The following PCDHGA1 variants were observed in gnomAD, a reference collection of about 807,000 sequenced individuals.
The protein encoded by PCDHGA1 is protocadherin gamma-A1.
A neutral mutation model predicts 58.0 loss-of-function variants in PCDHGA1; 32 were observed. That is an observed-to-expected ratio of 0.55 (90% CI 0.42 to 0.74). The LOEUF is 0.74. Ranked by LOEUF, PCDHGA1 falls within the 30% of genes least tolerant of loss-of-function variation. The probability of loss-of-function intolerance (pLI) is 0.00; values close to 1 mark genes in which losing one functional copy is unlikely to be tolerated. For synonymous variants in PCDHGA1, 498 were observed against 501.1 expected (o/e 0.99, Z 0.08); for missense variants, 1,205 against 1,182.3 (o/e 1.02, Z -0.28).
At chr5:141,478,870 G>A (rs1463992722) in intron 1 of PCDHGA1, 6 of 1,273,242 alleles carry the variant, frequency 4.7e-6, no homozygotes, top group Non-Finnish European at 5.2e-6. Flanking sequence ...AGCGATCAGA[G>A]TTTAGCTTGG....
At chr5:141,370,525 G>C in intron 1 of PCDHGA1, 1 of 1,613,874 alleles carries the variant, frequency 6.2e-7, no homozygotes, top group Non-Finnish European at 8.5e-7. Flanking sequence ...CTGGACAGGG[G>C]CTCGCTGGTA....
chr5:141,450,491 G>C (rs1264524088), intron 1 of PCDHGA1, among the ~76,000 whole-genome samples: 1 of 151,896 alleles, frequency 6.6e-6, no homozygotes, highest in Non-Finnish European at 1.5e-5. Context: ...TTGTTTGTCT[G>C]TTTGTTTGTT....
At chr5:141,372,522 G>A (rs759250494) in intron 1 of PCDHGA1, 17 of 1,613,986 alleles carry the variant, frequency 1.1e-5, no homozygotes, top group Non-Finnish European at 1.4e-5. Context: ...GGTGATTCTG[G>A]CAATCTCCCT....
intron 1 of PCDHGA1, among the ~76,000 whole-genome samples, chr5:141,368,490 A>C (rs1765682210): frequency 6.6e-6 from 1 of 152,216 alleles, no homozygotes; most frequent in Admixed American, 6.5e-5. Context: ...AAGAGAATCT[A>C]TACAGTAGGT....
intron 1 of PCDHGA1, chr5:141,355,848 T>G: frequency 6.2e-7 from 1 of 1,612,604 alleles, no homozygotes; most frequent in South Asian, 1.1e-5. Context: ...CGGCCTTCGA[T>G]GGAGGTGACC....
chr5:141,507,631 C>A (rs1435446169), intron 3 of PCDHGA1, among the ~76,000 whole-genome samples: 1 of 152,236 alleles, frequency 6.6e-6, no homozygotes, highest in Non-Finnish European at 1.5e-5. Context: ...TGTGGCCTTG[C>A]GCCCTGAGGC....
At chr5:141,384,331 G>T (rs376216978) in intron 1 of PCDHGA1, 21 of 1,613,846 alleles carry the variant, frequency 1.3e-5, no homozygotes, top group African/African-American at 2.7e-5. Context: ...GACTGCACAG[G>T]ACCACGACAG....
rs1190624035 is a variant in PCDHGA1, at chr5:141,432,332, T to G, written c.2422-62475T>G. ...GCTGAGCTCCTTCGACTACGAGCAG[T>G]TCCGAGACTTGCAAGTGAAAGTGAT... On this transcript the variant is annotated intron_variant, in intron 1 of 3. Coordinates refer to ENST00000517417, the MANE Select transcript of PCDHGA1 (RefSeq NM_018912.3). The surrounding 1 kb of genome is among the most constrained non-coding windows in gnomAD (Gnocchi z 6.0). The G allele has an allele frequency of 2.5e-6, 4 of 1,614,116 alleles. No homozygotes were observed. In the African/African-American group the frequency reaches 5.3e-5, roughly 22 times the overall value.
chr5:141,394,488 G>C lies in PCDHGA1; in HGVS notation c.2421+61383G>C, dbSNP rs753312224. 7.4e-6 allele frequency: 12 copies of C among 1,614,196 alleles called. No homozygotes were observed. In the South Asian group the frequency reaches 1.1e-4, roughly 15 times the overall value. ...GTTCGTGCTGGACCAGAATGACAAC[G>C]CGCCCGAGATCCTGTACCCCGCCCT... is the stretch of plus-strand genomic sequence containing the variant. On this transcript the variant is annotated intron_variant, in intron 1 of 3. Transcript: ENST00000517417.
At chr5:141,347,773 A>G (rs1168960909) in intron 1 of PCDHGA1, among the ~76,000 whole-genome samples, 1 of 151,302 alleles carries the variant, frequency 6.6e-6, no homozygotes, top group African/African-American at 2.4e-5. Flanking sequence ...GGCAATAGAG[A>G]GAGACTCCAT....
intron 1 of PCDHGA1, chr5:141,352,752 G>A: frequency 7.2e-7 from 1 of 1,382,970 alleles, no homozygotes. Context: ...CACTTAACCA[G>A]GCTGAGGCAG....
At chr5:141,375,657 TGA>T in intron 1 of PCDHGA1, 1 of 1,614,192 alleles carries the variant, frequency 6.2e-7, no homozygotes, top group Non-Finnish European at 8.5e-7. Flanking sequence ...TATGAGCAGT[TGA>T]GAGACCTACA....
chr5:141,409,237 A>G lies in PCDHGA1; in HGVS notation c.2421+76132A>G, dbSNP rs375806619. The G allele has an allele frequency of 7.2e-5, 116 of 1,614,054 alleles. 2 individuals are homozygous for G. Among genetic ancestry groups the G allele is most frequent in the East Asian group, 6.5e-4 (29 of 44,886 alleles). ...TCCTTGATGAAAACGACAACAGCCC[A>G]GAAATAATCATCACTTCTCTCTCTG... On this transcript the variant is annotated intron_variant, in intron 1 of 3. Coordinates refer to ENST00000517417, the MANE Select transcript of PCDHGA1 (RefSeq NM_018912.3).
At chr5:141,408,677 G>A (rs2095149334) in intron 1 of PCDHGA1, 1 of 1,613,898 alleles carries the variant, frequency 6.2e-7, no homozygotes. Flanking sequence ...CCCTGCCACG[G>A]ATCCTGATAT....
At chr5:141,408,003 C>G in intron 1 of PCDHGA1, 1 of 917,520 alleles carries the variant, frequency 1.1e-6, no homozygotes, top group Non-Finnish European at 1.6e-6. Flanking sequence ...GCCTGGGATT[C>G]CCTGCGCAGC....
At chr5:141,421,508 A>G (rs780491148) in intron 1 of PCDHGA1, 1 of 1,614,046 alleles carries the variant, frequency 6.2e-7, no homozygotes, top group Non-Finnish European at 8.5e-7. Flanking sequence ...ATAGACCGGG[A>G]GGAGCTCTGT....
At position 141,330,584 on chromosome 5, in the gene PCDHGA1, C is replaced by T. The variant is rs776034936; in HGVS notation, c.-101C>T. 1 of 1,272,696 alleles carries T rather than the reference C, an allele frequency of 7.9e-7. No individual in the cohort carries two copies. Among genetic ancestry groups the T allele is most frequent in the Non-Finnish European group, 1.1e-6 (1 of 921,616 alleles). 78.8% of individuals were successfully genotyped at this position (1,272,696 alleles called of 1,614,324 possible). ...CTAAATCCTACTTCTGGATGACTCT[C>T]CAGTCAGAATTCTCCTGAAAATTGG... is the stretch of plus-strand genomic sequence containing the variant. On this transcript the variant is annotated 5_prime_UTR_variant, in exon 1 of 4. Transcript: ENST00000517417.
Position 141,331,695 on chromosome 5 carries a change from T to C in PCDHGA1, c.1011T>C (p.Val337=). 2 of 1,613,934 alleles carry C rather than the reference T, an allele frequency of 1.2e-6. No homozygotes were observed. Among genetic ancestry groups the C allele is most frequent in the Non-Finnish European group, 1.7e-6 (2 of 1,180,004 alleles). Residue 337 remains valine (V), a synonymous_variant, in exon 1 of 4, where the codon GTT becomes GTC. Transcript: ENST00000517417. ...CTAAAGTTAAGGTACTGATCAAAGT[T>C]TTGGATGTAAATGATAATGCCCCAG... ...LMAKVKVLIK[V]LDVNDNAPEV...
chr5:141,414,222 A>G lies in PCDHGA1; in HGVS notation c.2422-80585A>G, dbSNP rs1038407271. 3.7e-6 allele frequency: 6 copies of G among 1,613,316 alleles called. No individual in the cohort carries two copies. The African/African-American group carries it at 5.3e-5, about 14-fold the overall frequency. On this transcript the variant is annotated intron_variant, in intron 1 of 3. Coordinates refer to ENST00000517417, the MANE Select transcript of PCDHGA1 (RefSeq NM_018912.3). ...TAGAAGATGTAAATGACAACAGTCC[A>G]GAGCTGACCATCACGTCTCTATTTA...
Sources: gnomAD v4.1 joint callset for allele counts (sites outside exome capture counted in the v4.1 genomes callset) on GRCh38, gnomAD v4.1.1 for gene constraint, Gnocchi (gnomAD v3.1) non-coding constraint, MANE v1.5 for transcripts, NCBI Gene and HGNC (gene_info 2026-07-23, HGNC 2026-07-21) for gene names.